KALRN: variants seen among roughly 807,000 people sequenced by gnomAD.
The protein encoded by KALRN is kalirin RhoGEF kinase, also known as kalirin.
Under a neutral mutation model 353.7 loss-of-function variants are expected in KALRN, and 70 were observed. The observed-to-expected ratio is 0.20, with a 90% CI of 0.16 to 0.24. The LOEUF is 0.24. Ranked by LOEUF, KALRN falls within the 10% of genes least tolerant of loss-of-function variation. KALRN has a pLI of 1.00. For synonymous variants in KALRN, 1,391 were observed against 1,434.8 expected (o/e 0.97, Z 0.69); for missense variants, 2,791 against 3,756.7 (o/e 0.74, Z 6.72).
chr3:124,606,268 G>A (rs1026140651), intron 34 of KALRN, among the ~76,000 whole-genome samples: 6 of 152,206 alleles, frequency 3.9e-5, no homozygotes, highest in Admixed American at 1.3e-4. Context: ...CTTTGGCCTT[G>A]CATGATACTT....
intron 1 of KALRN, among the ~76,000 whole-genome samples, chr3:124,186,386 G>A (rs182039267): frequency 2.6e-5 from 4 of 152,188 alleles, no homozygotes; most frequent in Non-Finnish European, 5.9e-5. Flanking sequence ...ATGTAAATAG[G>A]GTAATAGCAG....
intron 1 of KALRN, among the ~76,000 whole-genome samples, chr3:124,035,702 G>T (rs1472894031): frequency 2.6e-5 from 4 of 152,146 alleles, no homozygotes; most frequent in Non-Finnish European, 1.5e-5. Context: ...CTTTTCCCAG[G>T]GCCTTTCAAA....
intron 10 of KALRN, among the ~76,000 whole-genome samples, chr3:124,360,549 C>T (rs886551259): frequency 6.6e-6 from 1 of 152,170 alleles, no homozygotes; most frequent in African/African-American, 2.4e-5. Context: ...GAGAGTAACA[C>T]ACCAATAGGA....
chr3:124,478,539 C>T (rs2061644723), intron 27 of KALRN, among the ~76,000 whole-genome samples: 1 of 152,102 alleles, frequency 6.6e-6, no homozygotes, highest in South Asian at 2.1e-4. Context: ...TTTAATGGAG[C>T]ATTAATATGG....
At chr3:124,272,722 A>G (rs1163912595) in intron 5 of KALRN, among the ~76,000 whole-genome samples, 1 of 152,222 alleles carries the variant, frequency 6.6e-6, no homozygotes, top group Non-Finnish European at 1.5e-5. Flanking sequence ...AGCTTGACCC[A>G]GCTGCCACTG....
At chr3:124,378,007 C>T (rs952102373) in intron 10 of KALRN, among the ~76,000 whole-genome samples, 1 of 152,020 alleles carries the variant, frequency 6.6e-6, no homozygotes, top group Non-Finnish European at 1.5e-5. Context: ...CTGACAATCT[C>T]TGCCTTTTGA....
intron 25 of KALRN, among the ~76,000 whole-genome samples, chr3:124,466,404 C>G (rs1487169778): frequency 6.6e-6 from 1 of 152,120 alleles, no homozygotes; most frequent in Admixed American, 6.5e-5. Context: ...TAGTAGATCC[C>G]TAGACAGTAA....
intron 57 of KALRN, among the ~76,000 whole-genome samples, chr3:124,712,541 C>G (rs1252626780): frequency 6.6e-6 from 1 of 151,464 alleles, no homozygotes; most frequent in African/African-American, 2.4e-5. Context: ...CACCTGTAAT[C>G]CCAGCGCTTT....
chr3:124,416,306 T>C (rs150973651), intron 14 of KALRN, among the ~76,000 whole-genome samples: 1 of 152,210 alleles, frequency 6.6e-6, no homozygotes, highest in East Asian at 1.9e-4. Context: ...CAACTGGGAG[T>C]TGAAAGTCCC....
rs1346063876 is a variant in KALRN, at chr3:124,247,395, C to T, written c.263+12452C>T. Among the ~76,000 whole-genome samples, 4 of 152,216 alleles carry T rather than the reference C, an allele frequency of 2.6e-5. No homozygotes were observed. The East Asian group carries it at 7.7e-4, about 29-fold the overall frequency. On this transcript the variant is annotated intron_variant, in intron 3 of 59. Coordinates refer to ENST00000682506, the MANE Select transcript of KALRN (RefSeq NM_001388419.1). ...CAAGTGAGTTTGATACAATCTTTCT[C>T]AAAGAACTGTAGTAAATGATAGATA...
chr3:124,520,285 G>C (rs771810887), intron 33 of KALRN, among the ~76,000 whole-genome samples: 2 of 152,048 alleles, frequency 1.3e-5, no homozygotes, highest in Non-Finnish European at 2.9e-5. Flanking sequence ...ACGTTCAAGT[G>C]ATAATCAATG....
At chr3:124,555,978 A>G (rs1228641458) in intron 33 of KALRN, among the ~76,000 whole-genome samples, 1 of 152,248 alleles carries the variant, frequency 6.6e-6, no homozygotes, top group African/African-American at 2.4e-5. Context: ...TTTATCAAAT[A>G]TTAAAACTGG....
chr3:124,509,910 A>G (rs1239181408), intron 33 of KALRN, among the ~76,000 whole-genome samples: 2 of 152,196 alleles, frequency 1.3e-5, no homozygotes, highest in Non-Finnish European at 2.9e-5. Context: ...AGAAGATGAG[A>G]AAGTTACTTC....
At chr3:124,410,462 A>G (rs780316247) in intron 13 of KALRN, among the ~76,000 whole-genome samples, 2 of 152,360 alleles carry the variant, frequency 1.3e-5, no homozygotes, top group East Asian at 1.9e-4. Flanking sequence ...ACTTACATCT[A>G]GAATATATTT....
intron 19 of KALRN, among the ~76,000 whole-genome samples, chr3:124,442,356 G>A (rs181260234): frequency 3.3e-5 from 5 of 152,268 alleles, no homozygotes; most frequent in African/African-American, 1.2e-4. Flanking sequence ...CTGTATCTAC[G>A]CTGTGCAATA....
intron 1 of KALRN, among the ~76,000 whole-genome samples, chr3:124,101,343 G>A (rs920043784): frequency 2.0e-5 from 3 of 152,168 alleles, no homozygotes; most frequent in Non-Finnish European, 4.4e-5. Context: ...ATACTAGGAA[G>A]GCATTAGGTG....
chr3:124,361,135 G>T (rs2083989382), intron 10 of KALRN, among the ~76,000 whole-genome samples: 1 of 152,180 alleles, frequency 6.6e-6, no homozygotes, highest in African/African-American at 2.4e-5. Flanking sequence ...GAGGTGGCAA[G>T]ATGTGAACCC....
At chr3:124,386,020 GT>G (rs1323359708) in intron 11 of KALRN, among the ~76,000 whole-genome samples, 1 of 152,082 alleles carries the variant, frequency 6.6e-6, no homozygotes, top group East Asian at 1.9e-4. Flanking sequence ...AAGAATCTTG[GT>G]TGTTACTGCT....
intron 17 of KALRN, 34 bp downstream of exon 17, chr3:124,434,559 A>C (rs2093396684): frequency 6.2e-7 from 1 of 1,603,724 alleles, no homozygotes; most frequent in Non-Finnish European, 8.5e-7. Context: ...TGTGGGGCTG[A>C]GATTGCCAGG....
Sources: gnomAD v4.1 joint callset for allele counts (sites outside exome capture counted in the v4.1 genomes callset) on GRCh38, gnomAD v4.1.1 for gene constraint, MANE v1.5 for transcripts, NCBI Gene and HGNC (gene_info 2026-07-23, HGNC 2026-07-21) for gene names.